The following IQCE variants were observed in gnomAD, a reference collection of about 807,000 sequenced individuals.
IQCE encodes the protein IQ motif containing E.
IQCE carries 115 observed loss-of-function variants against 96.0 expected under a neutral mutation model. The ratio of observed to expected loss-of-function variants is 1.20; its 90% CI spans 1.03 to 1.40. IQCE has a LOEUF of 1.40. Ranked by LOEUF, IQCE falls within the 40% of genes most tolerant of loss-of-function variation. The probability of loss-of-function intolerance (pLI) is 0.00; values close to 1 mark genes in which losing one functional copy is unlikely to be tolerated. For synonymous variants in IQCE, 412 were observed against 371.2 expected (o/e 1.11, Z -1.26); for missense variants, 1,041 against 909.1 (o/e 1.15, Z -1.87).
chr7:2,577,868 C>T (rs1302027595), intron 6 of IQCE, among the ~76,000 whole-genome samples: 2 of 127,102 alleles, frequency 1.6e-5, no homozygotes, highest in Admixed American at 7.9e-5. Context: ...GCTGTGCGCG[C>T]GGGGACGTGT....
intron 6 of IQCE, among the ~76,000 whole-genome samples, chr7:2,576,935 G>A (rs1291640888): frequency 6.6e-6 from 1 of 152,200 alleles, no homozygotes; most frequent in Admixed American, 6.5e-5. Context: ...CGGTGTTGGC[G>A]GTATTCGTTT....
rs749504750 is a variant in IQCE at position 2,583,662 on chromosome 7, A to G, written c.727A>G (p.Thr243Ala). Residue 243 changes from threonine to alanine, a missense_variant, in exon 10 of 22, where the codon ACC becomes GCC. Transcript: ENST00000402050. ...CAAACTCCAGACCGATATGAAGACT[A>G]CCAACCTGGAAGAGATGCGGATCGC... is the stretch of plus-strand genomic sequence containing the variant. ...ISKLQTDMKT[T>A]NLEEMRIAME... is the part of the protein sequence containing the mutation. 5.7e-6 allele frequency: 9 copies of G among 1,586,168 alleles called. No homozygotes were observed. The highest frequency in any genetic ancestry group is 7.7e-6 in the Non-Finnish European group (9 of 1,163,124).
intron 5 of IQCE, 148 bp from the exon 6 acceptor site, chr7:2,573,270 C>A (rs966041945): frequency 1.2e-5 from 7 of 572,402 alleles, no homozygotes; most frequent in Non-Finnish European, 6.2e-6. Context: ...CATGATCAGG[C>A]TGGAAAACAT....
At chr7:2,602,859 C>T (rs776489904) in intron 18 of IQCE, among the ~76,000 whole-genome samples, 35 of 152,352 alleles carry the variant, frequency 2.3e-4, no homozygotes, top group Middle Eastern at 6.8e-3. Flanking sequence ...GTGGCCTGCG[C>T]GCAGCTGCAG....
chr7:2,579,544 T>A (rs1412469824), intron 8 of IQCE, among the ~76,000 whole-genome samples: 1 of 152,176 alleles, frequency 6.6e-6, no homozygotes, highest in African/African-American at 2.4e-5. Flanking sequence ...GTCACAGATA[T>A]AGAATGTAGA....
At chr7:2,599,827 C>G (rs920999812) in intron 17 of IQCE, among the ~76,000 whole-genome samples, 7 of 148,148 alleles carry the variant, frequency 4.7e-5, no homozygotes, top group Non-Finnish European at 8.9e-5. Context: ...GAGTTTCGCT[C>G]TTGTGGCCCA....
chr7:2,603,625 G>A (rs1352682571), intron 18 of IQCE, among the ~76,000 whole-genome samples: 7 of 152,238 alleles, frequency 4.6e-5, no homozygotes, highest in East Asian at 1.9e-4. Flanking sequence ...TCACCCCTCC[G>A]GCTGGTGCAG....
At chr7:2,586,068 C>T (rs540738515) in intron 11 of IQCE, 140 bp from the exon 12 acceptor site, 25 of 708,006 alleles carry the variant, frequency 3.5e-5, no homozygotes, top group African/African-American at 1.1e-4. Context: ...ACTGCCTATT[C>T]GATTTCAAAT....
At chr7:2,594,848 A>T in intron 15 of IQCE, 38 bp from the exon 16 acceptor site, 8 of 1,313,732 alleles carry the variant, frequency 6.1e-6, no homozygotes, top group Non-Finnish European at 8.8e-6. Context: ...TCACATAGTG[A>T]CAGGTGAGGT....
In IQCE at chr7:2,610,596, G is replaced by A; in HGVS notation, c.*434G>A. 1 of 182,790 alleles carries A rather than the reference G, an allele frequency of 5.5e-6. No individual in the cohort carries two copies. Among genetic ancestry groups the A allele is most frequent in the Non-Finnish European group, 1.2e-5 (1 of 86,722 alleles). 11.3% of individuals were successfully genotyped at this position (182,790 alleles called of 1,614,324 possible). A position where few individuals can be genotyped will look rare whatever the true frequency, so the allele number is the denominator to read the frequency against. On this transcript the variant is annotated 3_prime_UTR_variant, in exon 22 of 22. Transcript: ENST00000402050. ...AACAACCAGGATTTGCTCGATCTCA[G>A]CCCAGCAGGCCAGGCAGACACACCC... is the stretch of plus-strand genomic sequence containing the variant.
intron 21 of IQCE, among the ~76,000 whole-genome samples, chr7:2,607,858 G>A (rs1004484164): frequency 8.5e-5 from 13 of 152,222 alleles, no homozygotes; most frequent in African/African-American, 2.4e-4. Flanking sequence ...AGATGAGTGC[G>A]GAGGCACGCT....
At chr7:2,606,585 T>C (rs547047465) in intron 20 of IQCE, among the ~76,000 whole-genome samples, 5 of 152,256 alleles carry the variant, frequency 3.3e-5, no homozygotes, top group African/African-American at 4.8e-5. Context: ...TCCCCTCTTA[T>C]CACAGACTGC....
rs558905142 is a variant in IQCE at position 2,611,211 on chromosome 7, C to G, written c.*1049C>G. The G allele has an allele frequency of 1.3e-5, 2 of 152,488 alleles. No individual in the cohort carries two copies. The highest frequency in any genetic ancestry group is 4.8e-5 in the African/African-American group (2 of 41,374). 9.4% of individuals were successfully genotyped at this position (152,488 alleles called of 1,614,324 possible). ...GGAGGGAGTTCCTGGGGGAAGCGCACAGTGTCCAGTGCCCATCTCTTGCTT... is the reference window on the plus strand; with the variant it reads ...GGAGGGAGTTCCTGGGGGAAGCGCAGAGTGTCCAGTGCCCATCTCTTGCTT... On this transcript the variant is annotated 3_prime_UTR_variant, in exon 22 of 22. Coordinates refer to ENST00000402050, the MANE Select transcript of IQCE (RefSeq NM_152558.5).
chr7:2,590,899 G>A (rs1216518676), intron 14 of IQCE, among the ~76,000 whole-genome samples: 1 of 152,106 alleles, frequency 6.6e-6, no homozygotes, highest in East Asian at 1.9e-4. Flanking sequence ...TATGCAGCAT[G>A]GTCTTAATTC....
At position 2,582,691 on chromosome 7, in the gene IQCE, G is replaced by A. The variant is rs73677017; in HGVS notation, c.701+41G>A. 5.6e-3 allele frequency: 8,830 copies of A among 1,573,502 alleles called. 478 individuals carry two copies. In the African/African-American group the frequency reaches 0.1, roughly 19 times the overall value. ...CACCCTCTCCCCTGCCTTCCGCCCC[G>A]TGTTCTGCTTGCTCAGACGCCCGCC... On this transcript the variant is annotated intron_variant, in intron 9 of 21. Transcript: ENST00000402050.
intron 6 of IQCE, 32 bp downstream of exon 6, chr7:2,573,520 A>G (rs1488935898): frequency 8.6e-7 from 1 of 1,166,196 alleles, no homozygotes; most frequent in Non-Finnish European, 1.3e-6. Flanking sequence ...TATTGATTTG[A>G]AACGGTGAAA....
At chr7:2,596,418 T>TA (rs1491483642) in intron 16 of IQCE, among the ~76,000 whole-genome samples, 1 of 139,836 alleles carries the variant, frequency 7.2e-6, no homozygotes, top group Non-Finnish European at 1.6e-5. Flanking sequence ...TTTTTTTTTT[T>TA]ACTTTCTTTT....
rs183879514 is a variant in IQCE at position 2,577,780 on chromosome 7, C to T, written c.466-462C>T. Among the ~76,000 whole-genome samples, 1,188 of 126,454 alleles carry T rather than the reference C, an allele frequency of 9.4e-3. 63 individuals carry two copies. The highest frequency in any genetic ancestry group is 0.037 in the African/African-American group (1,104 of 29,912). 83.0% of individuals were successfully genotyped at this position (126,454 alleles called of 152,430 possible). A position where few individuals can be genotyped will look rare whatever the true frequency, so the allele number is the denominator to read the frequency against. On this transcript the variant is annotated intron_variant, in intron 6 of 21. Coordinates refer to ENST00000402050, the MANE Select transcript of IQCE (RefSeq NM_152558.5). ...GGCTGTGCGCGCGGGGACCTGTGTGCGGCGTATACGCATTGGCGTGTGCGT... is the reference window on the plus strand; with the variant it reads ...GGCTGTGCGCGCGGGGACCTGTGTGTGGCGTATACGCATTGGCGTGTGCGT...
chr7:2,578,291 G>A lies in IQCE; in HGVS notation c.515G>A (p.Arg172Gln), dbSNP rs1329404382. 2.5e-6 allele frequency: 4 copies of A among 1,613,964 alleles called. No individual in the cohort carries two copies. The highest frequency in any genetic ancestry group is 1.3e-5 in the African/African-American group (1 of 74,894). Residue 172 changes from arginine (R) to glutamine (Q), a missense_variant, in exon 7 of 22, where the codon CGG becomes CAG. Arg to Gln is a conservative substitution (Grantham distance 43). Coordinates refer to ENST00000402050, the MANE Select transcript of IQCE (RefSeq NM_152558.5). ...SDVDLMRTKL[R>Q]RLEEENSRKD... ...GTGGACCTGATGAGAACGAAGCTCC[G>A]GCGCCTGGAGGAGGAAAACAGCAGG...
Sources: allele counts gnomAD v4.1 joint callset (sites outside exome capture counted in the v4.1 genomes callset), GRCh38; gene constraint gnomAD v4.1.1; transcripts MANE v1.5; gene names NCBI Gene and HGNC (gene_info 2026-07-23, HGNC 2026-07-21).